Variants in CHI3L2 observed in about 807,000 individuals in gnomAD.
CHI3L2 encodes the protein chitinase-3-like protein 2.
CHI3L2 carries 47 observed loss-of-function variants against 47.3 expected under a neutral mutation model. The ratio of observed to expected loss-of-function variants is 0.99; its 90% confidence interval spans 0.79 to 1.27. The LOEUF is 1.27. Among genes scored for constraint, CHI3L2 ranks in the 50% most tolerant of loss-of-function variants. The pLI is 0.00. For missense variants in CHI3L2, 497 were observed against 462.1 expected (o/e 1.08, Z -0.69); for synonymous variants, 198 against 169.9 (o/e 1.17, Z -1.28).
chr1:111,234,567 C>A (rs929927123), intron 4 of CHI3L2, among the ~76,000 whole-genome samples: 20 of 152,110 alleles, frequency 1.3e-4, no homozygotes, highest in African/African-American at 4.6e-4. Context: ...TCGGACACTG[C>A]AAAGACAGAC....
intron 8 of CHI3L2, among the ~76,000 whole-genome samples, chr1:111,241,126 T>C (rs1660041340): frequency 6.6e-6 from 1 of 152,216 alleles, no homozygotes; most frequent in South Asian, 2.1e-4. Flanking sequence ...GATGAGACTT[T>C]AGCACAGACA....
At chr1:111,235,237 A>G (rs1214460352) in intron 5 of CHI3L2, among the ~76,000 whole-genome samples, 180 bp downstream of exon 5, 1 of 152,228 alleles carries the variant, frequency 6.6e-6, no homozygotes, top group African/African-American at 2.4e-5. Flanking sequence ...TAAGGCAGTA[A>G]CAACATGAAA....
Position 111,230,789 on chromosome 1 carries a change from C to T in CHI3L2, c.118C>T (p.Arg40Trp), listed in dbSNP as rs375664522. ...CTACTTTACCAACTGGTCCCAGGAC[C>T]GGCAGGAACCAGGAAAATTCACCCC... ...VCYFTNWSQD[R>W]QEPGKFTPEN... The change falls in exon 3 of 11, where the codon CGG becomes TGG. Residue 40 changes from arginine (R) to tryptophan (W), a missense_variant. By Grantham distance (101) the Arg-to-Trp change is moderately radical. Coordinates refer to ENST00000369748, the MANE Select transcript of CHI3L2 (RefSeq NM_004000.3). The T allele has an allele frequency of 9.6e-5, 155 of 1,614,020 alleles. No individual in the cohort carries two copies. The highest frequency in any genetic ancestry group is 1.5e-4 in the South Asian group (14 of 91,082).
In CHI3L2 at chr1:111,228,849, G is replaced by T. The variant is rs538348251; in HGVS notation, c.41-1003G>T. Among the ~76,000 whole-genome samples the T allele has an allele frequency of 8.3e-4, 127 of 152,284 alleles. 1 individual carries two copies. The highest frequency in any genetic ancestry group is 7.3e-3 in the South Asian group (35 of 4,826). On this transcript the variant is annotated intron_variant, in intron 1 of 10. Coordinates refer to ENST00000369748, the MANE Select transcript of CHI3L2 (RefSeq NM_004000.3). The stretch of plus-strand genomic sequence containing the variant: ...CTTGTCCATTGGGCAAAGTTTCTAG[G>T]ATCCAGGGGTCTGCTCTTTTTTTCC...
intron 4 of CHI3L2, among the ~76,000 whole-genome samples, chr1:111,232,387 CAGTA>C (rs1659748156): frequency 6.6e-6 from 1 of 152,184 alleles, no homozygotes; most frequent in Non-Finnish European, 1.5e-5. Flanking sequence ...TAAATTCATT[CAGTA>C]AGTAATTGTT....
chr1:111,233,392 T>C (rs1036797118), intron 4 of CHI3L2, among the ~76,000 whole-genome samples: 11 of 152,162 alleles, frequency 7.2e-5, no homozygotes, highest in African/African-American at 2.7e-4. Flanking sequence ...AATTTAGAGG[T>C]GGCCAGACTG....
intron 1 of CHI3L2, among the ~76,000 whole-genome samples, chr1:111,228,748 T>C (rs941504709): frequency 1.3e-5 from 2 of 152,236 alleles, no homozygotes; most frequent in African/African-American, 4.8e-5. Flanking sequence ...TGGCTGCCCC[T>C]TTCTTCACTT....
intron 10 of CHI3L2, 84 bp from the exon 11 acceptor site, chr1:111,243,133 C>A: frequency 2.2e-6 from 1 of 455,922 alleles, no homozygotes. Context: ...AGCCTTCCAA[C>A]TCTGAGCATC....
At chr1:111,241,650 C>G (rs563025010) in intron 9 of CHI3L2, among the ~76,000 whole-genome samples, 1 of 151,776 alleles carries the variant, frequency 6.6e-6, no homozygotes, top group South Asian at 2.1e-4. Context: ...GGAAAGGACG[C>G]AAAAAAGAAT....
intron 10 of CHI3L2, among the ~76,000 whole-genome samples, chr1:111,242,811 A>T (rs955121035): frequency 7.9e-5 from 12 of 152,128 alleles, no homozygotes; most frequent in Admixed American, 3.3e-4. Flanking sequence ...TACTTAGTCT[A>T]GACATTTGGG....
At chr1:111,232,225 C>T (rs1427967759) in intron 4 of CHI3L2, among the ~76,000 whole-genome samples, 3 of 152,224 alleles carry the variant, frequency 2.0e-5, no homozygotes, top group African/African-American at 7.2e-5. Context: ...CCTCCGTGAA[C>T]ACCCTTCAAT....
rs1408668443 is a variant in CHI3L2, at chr1:111,243,262, C to T, written c.*48C>T. The stretch of plus-strand genomic sequence containing the variant: ...GGCAAGATGACCTTGCTGCCTGGGG[C>T]CTGCTCTCTCCCAGGAATTCTCATG... On this transcript the variant is annotated 3_prime_UTR_variant, in exon 11 of 11. Transcript: ENST00000369748. 2.2e-6 allele frequency: 1 copy of T among 455,944 alleles called. No homozygotes were observed. The highest frequency in any genetic ancestry group is 4.4e-6 in the Non-Finnish European group (1 of 226,828). The allele number at this position is 455,944 out of a possible 1,614,324, so 28.2% of individuals were successfully genotyped here.
intron 3 of CHI3L2, 80 bp downstream of exon 3, chr1:111,231,023 T>C (rs1487668682): frequency 8.7e-7 from 1 of 1,145,616 alleles, no homozygotes; most frequent in Non-Finnish European, 1.3e-6. Flanking sequence ...TAAGACATAC[T>C]ATCTCATTCA....
chr1:111,235,293 T>G (rs972858996), intron 5 of CHI3L2, among the ~76,000 whole-genome samples: 1 of 152,214 alleles, frequency 6.6e-6, no homozygotes, highest in Non-Finnish European at 1.5e-5. Context: ...TTCTTTTTGA[T>G]GAAGAACATC....
intron 7 of CHI3L2, among the ~76,000 whole-genome samples, chr1:111,238,521 A>G (rs1659949054): frequency 6.6e-6 from 1 of 152,228 alleles, no homozygotes; most frequent in African/African-American, 2.4e-5. Context: ...TTTGTGATCC[A>G]CTGTCTAGTT....
In CHI3L2 at chr1:111,235,060, A is replaced by G. The variant is rs374410604; in HGVS notation, c.480+3A>G. ...CTCATTTCACTGTGCTGATTCATGT[A>G]AGTCATGAATCAAGTAATTCATGTG... On this transcript the variant is annotated splice_donor_region_variant and intron_variant, in intron 5 of 10. Transcript: ENST00000369748. The G allele has an allele frequency of 1.2e-6, 2 of 1,613,126 alleles. No individual in the cohort carries two copies. The highest frequency in any genetic ancestry group is 1.3e-5 in the African/African-American group (1 of 74,920).
At chr1:111,234,105 T>G (rs2101549265) in intron 4 of CHI3L2, among the ~76,000 whole-genome samples, 1 of 150,520 alleles carries the variant, frequency 6.6e-6, no homozygotes, top group Non-Finnish European at 1.5e-5. Flanking sequence ...TTTGTTCACT[T>G]GTTTATCTGC....
rs561981709 is a variant in CHI3L2 at position 111,243,261 on chromosome 1, G to A, written c.*47G>A. The A allele has an allele frequency of 3.1e-4, 143 of 456,050 alleles. 2 individuals carry two copies. The highest frequency in any genetic ancestry group is 1.7e-3 in the South Asian group (112 of 64,546). 28.3% of individuals were successfully genotyped at this position (456,050 alleles called of 1,614,324 possible). A position where few individuals can be genotyped will look rare whatever the true frequency, so the allele number is the denominator to read the frequency against. The stretch of plus-strand genomic sequence containing the variant: ...AGGCAAGATGACCTTGCTGCCTGGG[G>A]CCTGCTCTCTCCCAGGAATTCTCAT... On this transcript the variant is annotated 3_prime_UTR_variant, in exon 11 of 11. Transcript: ENST00000369748.
chr1:111,235,089 C>T (rs754958930), intron 5 of CHI3L2, 32 bp downstream of exon 5: 1 of 1,608,190 alleles, frequency 6.2e-7, no homozygotes, highest in Non-Finnish European at 8.5e-7. Context: ...TCATGTGAGT[C>T]AGATGCCACG....
Sources: allele counts gnomAD v4.1 joint callset (sites outside exome capture counted in the v4.1 genomes callset), GRCh38; gene constraint gnomAD v4.1.1; transcripts MANE v1.5; gene names NCBI Gene and HGNC (gene_info 2026-07-23, HGNC 2026-07-21).